LINGO2: variants seen among roughly 807,000 people sequenced by gnomAD.
The protein encoded by LINGO2 is leucine rich repeat and Ig domain containing 2.
In LINGO2, 14 loss-of-function variants were observed where a neutral mutation model predicts 30.6. The ratio of observed to expected loss-of-function variants is 0.46; its 90% CI spans 0.30 to 0.72. LINGO2 has a LOEUF of 0.72. Among genes scored for constraint, LINGO2 ranks in the 30% least tolerant of loss-of-function variants. The probability of loss-of-function intolerance (pLI) is 0.07; values close to 1 mark genes in which losing one functional copy is unlikely to be tolerated. For missense variants in LINGO2, 729 were observed against 751.7 expected, an observed-to-expected ratio of 0.97 and a Z score of 0.35; for synonymous variants, 317 against 288.5, an observed-to-expected ratio of 1.10 and a Z score of -1.00.
At chr9:28,648,524 C>T (rs1827942359) in intron 1 of LINGO2, among the ~76,000 whole-genome samples, 1 of 152,038 alleles carries the variant, frequency 6.6e-6, no homozygotes, top group African/African-American at 2.4e-5. Context: ...CTAATAATCA[C>T]TTAACTATCT....
intron 4 of LINGO2, among the ~76,000 whole-genome samples, chr9:28,249,799 A>T (rs1822130664): frequency 6.6e-6 from 1 of 152,202 alleles, no homozygotes; most frequent in African/African-American, 2.4e-5. Flanking sequence ...TATCATTACC[A>T]TTAACTTGAC....
chr9:28,700,645 T>G, the LINGO2 span, among the ~76,000 whole-genome samples: 1 of 152,116 alleles, frequency 6.6e-6, no homozygotes, highest in South Asian at 2.1e-4. Context: ...ACAAAGGTTT[T>G]CAACTCATCT....
the LINGO2 span, among the ~76,000 whole-genome samples, chr9:28,712,004 A>G: frequency 6.6e-6 from 1 of 152,272 alleles, no homozygotes; most frequent in South Asian, 2.1e-4. Context: ...CAGCCTTTTC[A>G]TTGGATTACA....
chr9:28,288,068 ATTTCTCTCTGTACATATC>A (rs1823581858), intron 4 of LINGO2, among the ~76,000 whole-genome samples: 1 of 152,050 alleles, frequency 6.6e-6, no homozygotes, highest in Non-Finnish European at 1.5e-5. Flanking sequence ...TTAGTTTATC[ATTTCTCTCTGTACATATC>A]TTCCCTACTT....
At chr9:28,286,242 C>T (rs1823504193) in intron 4 of LINGO2, among the ~76,000 whole-genome samples, 1 of 152,166 alleles carries the variant, frequency 6.6e-6, no homozygotes, top group Non-Finnish European at 1.5e-5. Flanking sequence ...GAGAGATATG[C>T]TTCCTACTGC....
the LINGO2 span, among the ~76,000 whole-genome samples, chr9:29,180,639 T>C: frequency 6.6e-6 from 1 of 152,154 alleles, no homozygotes; most frequent in Non-Finnish European, 1.5e-5. Flanking sequence ...TCAAAGCTTT[T>C]AAACCGTGTT....
chr9:28,314,225 C>T (rs967726669), intron 3 of LINGO2, among the ~76,000 whole-genome samples: 18 of 152,182 alleles, frequency 1.2e-4, no homozygotes, highest in African/African-American at 3.6e-4. Context: ...TGAGCCACCG[C>T]GCCCGGCCGA....
chr9:29,201,113 A>G, the LINGO2 span, among the ~76,000 whole-genome samples: 1 of 151,990 alleles, frequency 6.6e-6, no homozygotes, highest in African/African-American at 2.4e-5. Context: ...TTCTATGCAT[A>G]CTGTTTAGAT....
chr9:28,918,775 T>A, the LINGO2 span, among the ~76,000 whole-genome samples: 1 of 152,262 alleles, frequency 6.6e-6, no homozygotes, highest in Admixed American at 6.5e-5. Flanking sequence ...TATCTTGCTA[T>A]CAATTAGAAA....
At chr9:28,576,308 A>C (rs1162419666) in intron 1 of LINGO2, among the ~76,000 whole-genome samples, 1 of 152,228 alleles carries the variant, frequency 6.6e-6, no homozygotes, top group East Asian at 1.9e-4. Flanking sequence ...ATCAAAATTC[A>C]AAAATTTGAA....
chr9:28,654,238 T>C (rs1321062992), intron 1 of LINGO2, among the ~76,000 whole-genome samples: 2 of 152,138 alleles, frequency 1.3e-5, no homozygotes, highest in African/African-American at 2.4e-5. Flanking sequence ...ACAAATTATC[T>C]ATGCAAAAAT....
chr9:28,242,748 A>G (rs1402969666), intron 4 of LINGO2, among the ~76,000 whole-genome samples: 1 of 152,216 alleles, frequency 6.6e-6, no homozygotes, highest in African/African-American at 2.4e-5. Flanking sequence ...CTACAAAGGG[A>G]AGCCCATCAG....
the LINGO2 span, among the ~76,000 whole-genome samples, chr9:28,820,306 G>C: frequency 6.6e-6 from 1 of 150,574 alleles, no homozygotes; most frequent in Non-Finnish European, 1.5e-5. Context: ...GTCACCCACT[G>C]AGCAAGCTAT....
At position 28,125,015 on chromosome 9, in the gene LINGO2, G is replaced by T. The variant is rs1460647407; in HGVS notation, c.-86-112610C>A. ...ATAGAAAGAAGGTTGGCAACCAGCA[G>T]TATCCTAAATGCCATTTCAAATCTC... On this transcript the variant is annotated intron_variant, in intron 4 of 5. Transcript: ENST00000379992. Among the ~76,000 whole-genome samples, 3 of 152,334 alleles carry T rather than the reference G, an allele frequency of 2.0e-5. No homozygotes were observed. In the South Asian group the frequency reaches 6.2e-4, roughly 32 times the overall value.
At chr9:28,097,680 T>C (rs1587843576) in intron 4 of LINGO2, among the ~76,000 whole-genome samples, 1 of 105,582 alleles carries the variant, frequency 9.5e-6, no homozygotes, top group Non-Finnish European at 1.8e-5. Context: ...CTCTGGGGAC[T>C]GTGGTGGGGT....
At chr9:28,866,181 T>C in the LINGO2 span, among the ~76,000 whole-genome samples, 16 of 152,296 alleles carry the variant, frequency 1.1e-4, no homozygotes, top group East Asian at 3.1e-3. Flanking sequence ...ATGTTCTGGT[T>C]GAACTAATTT....
the LINGO2 span, among the ~76,000 whole-genome samples, chr9:29,044,027 G>C: frequency 6.6e-6 from 1 of 151,954 alleles, no homozygotes; most frequent in African/African-American, 2.4e-5. Context: ...TGCAAACACA[G>C]GTTTCCTATG....
chr9:28,305,150 C>T (rs1371690676), intron 3 of LINGO2, among the ~76,000 whole-genome samples: 1 of 151,960 alleles, frequency 6.6e-6, no homozygotes, highest in Non-Finnish European at 1.5e-5. Flanking sequence ...AATTGACATA[C>T]AAAAAGCATT....
chr9:28,368,467 TAGAG>T (rs1327001630), intron 3 of LINGO2, among the ~76,000 whole-genome samples: 2 of 152,164 alleles, frequency 1.3e-5, no homozygotes, highest in African/African-American at 4.8e-5. Context: ...AGAGCGAAGT[TAGAG>T]AGATGTATTA....
Sources: gnomAD v4.1 joint callset for allele counts (sites outside exome capture counted in the v4.1 genomes callset) on GRCh38, gnomAD v4.1.1 for gene constraint, MANE v1.5 for transcripts, NCBI Gene and HGNC (gene_info 2026-07-23, HGNC 2026-07-21) for gene names.